Variants in C8orf34 observed in about 807,000 individuals in gnomAD.
The protein encoded by C8orf34 is chromosome 8 open reading frame 34.
A neutral mutation model predicts 68.3 loss-of-function variants in C8orf34; 65 were observed. The observed-to-expected ratio is 0.95, with a 90% CI of 0.78 to 1.17. The LOEUF is 1.17. C8orf34 is among the 50% of genes most tolerant of loss of function. The pLI is 0.00. For missense variants in C8orf34, 664 were observed against 655.4 expected (o/e 1.01, Z -0.14); for synonymous variants, 244 against 241.2 (o/e 1.01, Z -0.11).
intron 8 of C8orf34, among the ~76,000 whole-genome samples, chr8:68,663,070 C>T (rs560186900): frequency 3.9e-4 from 60 of 152,302 alleles, no homozygotes; most frequent in Admixed American, 5.9e-4. Context: ...TTTTCTTGCT[C>T]TCTGTACCAG....
At chr8:68,781,010 T>C (rs1042273967) in intron 11 of C8orf34, among the ~76,000 whole-genome samples, 35 of 152,178 alleles carry the variant, frequency 2.3e-4, no homozygotes, top group African/African-American at 8.2e-4. Flanking sequence ...TTACAGGGAT[T>C]CCATGGTTAT....
intron 8 of C8orf34, among the ~76,000 whole-genome samples, chr8:68,681,224 G>A (rs1011854672): frequency 3.9e-5 from 6 of 152,184 alleles, no homozygotes; most frequent in African/African-American, 1.4e-4. Flanking sequence ...AATTATCACA[G>A]TGGTCCTGAG....
intron 12 of C8orf34, among the ~76,000 whole-genome samples, chr8:68,801,338 A>G (rs1462853984): frequency 6.6e-6 from 1 of 152,202 alleles, no homozygotes; most frequent in East Asian, 1.9e-4. Context: ...ATACGGCAAT[A>G]CTAGGCTTGC....
At chr8:68,766,450 G>T (rs1823178050) in intron 10 of C8orf34, among the ~76,000 whole-genome samples, 1 of 152,100 alleles carries the variant, frequency 6.6e-6, no homozygotes, top group Non-Finnish European at 1.5e-5. Flanking sequence ...AGAGCTTAAT[G>T]GAGGAGAATT....
rs1805546069 is a variant in C8orf34 at position 68,330,956 on chromosome 8, C to T, written c.-57C>T. 7.7e-7 allele frequency: 1 copy of T among 1,290,738 alleles called. No homozygotes were observed. 80.0% of individuals were successfully genotyped at this position (1,290,738 alleles called of 1,614,324 possible). A position where few individuals can be genotyped will look rare whatever the true frequency, so the allele number is the denominator to read the frequency against. On this transcript the variant is annotated 5_prime_UTR_variant, in exon 1 of 14. Coordinates refer to ENST00000518698, the MANE Select transcript of C8orf34 (RefSeq NM_052958.4). ...GGAACCTCTGCCTCGAATTTCCCCA[C>T]TGCGCCGGGCGCTGCGGAGAGCGGC...
intron 7 of C8orf34, among the ~76,000 whole-genome samples, chr8:68,554,294 G>A (rs1215331874): frequency 6.6e-6 from 1 of 152,080 alleles, no homozygotes; most frequent in African/African-American, 2.4e-5. Context: ...CATAGGTGGT[G>A]GTAGCAGCTG....
At chr8:68,563,127 C>T (rs1816484317) in intron 7 of C8orf34, among the ~76,000 whole-genome samples, 1 of 152,150 alleles carries the variant, frequency 6.6e-6, no homozygotes, top group East Asian at 1.9e-4. Context: ...ACTGTCACAT[C>T]CTTGATACTT....
chr8:68,433,385 A>G (rs1442081848), intron 1 of C8orf34, among the ~76,000 whole-genome samples: 1 of 152,222 alleles, frequency 6.6e-6, no homozygotes, highest in Non-Finnish European at 1.5e-5. Context: ...TCATTAATAG[A>G]GTACAATGCC....
At chr8:68,350,264 CT>C (rs374580916) in intron 1 of C8orf34, among the ~76,000 whole-genome samples, 1,875 of 145,090 alleles carry the variant, frequency 0.013, 33 homozygotes, top group African/African-American at 0.043. Context: ...CATAGTCTTG[CT>C]TTTTTTTTTA....
At chr8:68,570,085 C>T (rs1024682000) in intron 7 of C8orf34, among the ~76,000 whole-genome samples, 3 of 152,132 alleles carry the variant, frequency 2.0e-5, no homozygotes, top group African/African-American at 7.2e-5. Flanking sequence ...GCTGGAAGCC[C>T]ATACTTTTCT....
chr8:68,739,593 A>G (rs1008244274), intron 10 of C8orf34, among the ~76,000 whole-genome samples: 1 of 152,210 alleles, frequency 6.6e-6, no homozygotes, highest in Non-Finnish European at 1.5e-5. Flanking sequence ...ATCAGAGATG[A>G]CACAAACAAA....
intron 1 of C8orf34, among the ~76,000 whole-genome samples, chr8:68,382,477 C>T (rs1808084803): frequency 6.6e-6 from 1 of 152,182 alleles, no homozygotes; most frequent in Non-Finnish European, 1.5e-5. Flanking sequence ...TAACGTGTAC[C>T]TACTGTGTTG....
At chr8:68,573,760 A>G (rs1175879825) in intron 7 of C8orf34, among the ~76,000 whole-genome samples, 1 of 152,172 alleles carries the variant, frequency 6.6e-6, no homozygotes, top group African/African-American at 2.4e-5. Context: ...TGTTCAATGC[A>G]GCAGGATTGT....
At chr8:68,337,779 A>G (rs1447073570) in intron 1 of C8orf34, among the ~76,000 whole-genome samples, 1 of 152,246 alleles carries the variant, frequency 6.6e-6, no homozygotes, top group Non-Finnish European at 1.5e-5. Flanking sequence ...AATGGCTTAT[A>G]CAATAAATAG....
At chr8:68,651,035 GCCTTGCTGAGGACTCCTTTTAC>G (rs879811959) in intron 8 of C8orf34, among the ~76,000 whole-genome samples, 44 of 152,270 alleles carry the variant, frequency 2.9e-4, no homozygotes, top group Non-Finnish European at 5.6e-4. Context: ...TTAAAAGGAA[GCCTTGCTGAGGACTCCTTTTAC>G]CCTCTCTATC....
intron 5 of C8orf34, among the ~76,000 whole-genome samples, chr8:68,502,105 C>A (rs749417669): frequency 1.3e-4 from 20 of 152,054 alleles, no homozygotes; most frequent in Admixed American, 3.9e-4. Context: ...CTCGCTCTGT[C>A]CCCAGGCTGG....
At chr8:68,537,997 A>G (rs1056300652) in intron 7 of C8orf34, among the ~76,000 whole-genome samples, 2 of 152,184 alleles carry the variant, frequency 1.3e-5, no homozygotes, top group African/African-American at 2.4e-5. Flanking sequence ...ATAAACGTCA[A>G]TAGTTTGAAA....
At chr8:68,616,108 T>C (rs1165306394) in intron 7 of C8orf34, among the ~76,000 whole-genome samples, 1 of 151,378 alleles carries the variant, frequency 6.6e-6, no homozygotes, top group Non-Finnish European at 1.5e-5. Context: ...CTGATGGTAG[T>C]TTGTATTTCT....
At chr8:68,781,013 A>G (rs904693331) in intron 11 of C8orf34, among the ~76,000 whole-genome samples, 3 of 152,218 alleles carry the variant, frequency 2.0e-5, no homozygotes, top group Non-Finnish European at 2.9e-5. Context: ...CAGGGATTCC[A>G]TGGTTATGGA....
Sources: allele counts gnomAD v4.1 joint callset (sites outside exome capture counted in the v4.1 genomes callset), GRCh38; gene constraint gnomAD v4.1.1; transcripts MANE v1.5; gene names NCBI Gene and HGNC (gene_info 2026-07-23, HGNC 2026-07-21).